ZNF536: variants seen among roughly 807,000 people sequenced by gnomAD.
The protein encoded by ZNF536 is zinc finger protein 536.
ZNF536 carries 13 observed loss-of-function variants against 84.5 expected under a neutral mutation model. The ratio of observed to expected loss-of-function variants is 0.15; its 90% confidence interval spans 0.10 to 0.24. The LOEUF (loss-of-function observed/expected upper bound fraction) is 0.24, where lower values mean the gene tolerates loss of function less well. Ranked by LOEUF, ZNF536 falls within the 10% of genes least tolerant of loss-of-function variation. The pLI is 1.00. For missense variants in ZNF536, 1,536 were observed against 1,747.5 expected (o/e 0.88, Z 2.16); for synonymous variants, 811 against 742.5 (o/e 1.09, Z -1.50).
chr19:30,362,265 G>A (rs1406762860), intron 3 of ZNF536, among the ~76,000 whole-genome samples: 2 of 151,920 alleles, frequency 1.3e-5, no homozygotes, highest in Non-Finnish European at 2.9e-5. Flanking sequence ...GCAGAGGTGT[G>A]CTAGTCCTCC....
intron 1 of ZNF536, among the ~76,000 whole-genome samples, chr19:30,237,461 A>G (rs2144780997): frequency 6.6e-6 from 1 of 152,294 alleles, no homozygotes; most frequent in South Asian, 2.1e-4. Flanking sequence ...AAATCATAAT[A>G]TGATAATTTG....
chr19:30,378,641 ATCTCCCTTGAGG>A (rs956294019), intron 1 of ZNF536, among the ~76,000 whole-genome samples: 173 of 152,258 alleles, frequency 1.1e-3, no homozygotes, highest in African/African-American at 4.0e-3. Context: ...ACCCAACTGC[ATCTCCCTTGAGG>A]TCTCTGCCCT....
At chr19:30,698,052 G>A (rs1290951554) in intron 1 of ZNF536, among the ~76,000 whole-genome samples, 1 of 152,220 alleles carries the variant, frequency 6.6e-6, no homozygotes, top group African/African-American at 2.4e-5. Context: ...AGCACTGTGG[G>A]AGGCCATGGC....
chr19:30,470,983 C>T (rs1273190115), intron 2 of ZNF536, among the ~76,000 whole-genome samples: 10 of 132,644 alleles, frequency 7.5e-5, no homozygotes, highest in South Asian at 2.6e-4. Context: ...CCACTGCGCC[C>T]GGCCTTTTTT....
chr19:30,482,126 T>G (rs537066365), intron 2 of ZNF536, among the ~76,000 whole-genome samples: 3 of 152,152 alleles, frequency 2.0e-5, no homozygotes, highest in Non-Finnish European at 4.4e-5. Context: ...TATAAATGTG[T>G]GTGAATGTGT....
chr19:30,314,375 C>G (rs931338666), intron 2 of ZNF536, among the ~76,000 whole-genome samples: 1 of 152,118 alleles, frequency 6.6e-6, no homozygotes, highest in East Asian at 1.9e-4. Context: ...CTCTGCCCCT[C>G]GTCGAGACAG....
At chr19:30,298,240 C>T (rs543814786) in intron 2 of ZNF536, among the ~76,000 whole-genome samples, 103 of 152,226 alleles carry the variant, frequency 6.8e-4, no homozygotes, top group African/African-American at 2.3e-3. Flanking sequence ...TTTAGAATAG[C>T]GGGCTAATTC....
At chr19:30,353,556 G>A (rs963808490) in intron 3 of ZNF536, among the ~76,000 whole-genome samples, 4 of 152,100 alleles carry the variant, frequency 2.6e-5, no homozygotes, top group African/African-American at 9.7e-5. Context: ...ACTTCTCAGA[G>A]CACTGGGTCT....
intron 1 of ZNF536, among the ~76,000 whole-genome samples, chr19:30,588,377 A>G (rs2047166795): frequency 6.6e-6 from 1 of 152,128 alleles, no homozygotes. Flanking sequence ...AGTGAGGGGG[A>G]CAAGGTCCTA....
At position 30,381,178 on chromosome 19, in the gene ZNF536, G is replaced by T. The variant is rs115295588; in HGVS notation, c.-3+8622G>T. Among the ~76,000 whole-genome samples the T allele has an allele frequency of 3.2e-3, 486 of 152,294 alleles. 8 individuals are homozygous for T. Among genetic ancestry groups the T allele is most frequent in the African/African-American group, 0.011 (475 of 41,550 alleles). ...CAGGTGTGAGCCACCACCATGCCTGGTCTATATATATCTAATAATCAGCAC... is the reference window on the plus strand; with the variant it reads ...CAGGTGTGAGCCACCACCATGCCTGTTCTATATATATCTAATAATCAGCAC... On this transcript the variant is annotated intron_variant, in intron 1 of 4. Coordinates refer to ENST00000355537, the MANE Select transcript of ZNF536 (RefSeq NM_014717.3).
At chr19:30,237,792 A>G (rs1238241851) in intron 1 of ZNF536, among the ~76,000 whole-genome samples, 4 of 151,428 alleles carry the variant, frequency 2.6e-5, no homozygotes, top group Non-Finnish European at 5.9e-5. Context: ...TTTTTGCATA[A>G]TTTAACTTTT....
chr19:30,688,453 G>A (rs1470381777), intron 1 of ZNF536, among the ~76,000 whole-genome samples: 1 of 152,140 alleles, frequency 6.6e-6, no homozygotes, highest in African/African-American at 2.4e-5. Flanking sequence ...ATTTTCATCA[G>A]CAGCATCACT....
chr19:30,469,416 A>T (rs968398312), intron 2 of ZNF536, among the ~76,000 whole-genome samples: 9 of 152,100 alleles, frequency 5.9e-5, no homozygotes, highest in African/African-American at 2.2e-4. Context: ...CATCTCAAAA[A>T]AAAAGAGAGG....
At chr19:30,323,246 G>A (rs903789523) in intron 2 of ZNF536, among the ~76,000 whole-genome samples, 1 of 152,134 alleles carries the variant, frequency 6.6e-6, no homozygotes, top group African/African-American at 2.4e-5. Context: ...AGCTCAGTGT[G>A]GCAGAAACGA....
intron 1 of ZNF536, among the ~76,000 whole-genome samples, chr19:30,278,059 G>C (rs1173285024): frequency 6.6e-6 from 1 of 152,198 alleles, no homozygotes. Flanking sequence ...TTGAAATGTA[G>C]GTTTTATTAT....
chr19:30,679,690 C>T lies in ZNF536; in HGVS notation c.170-31067C>T, dbSNP rs143574598. Among the ~76,000 whole-genome samples the T allele has an allele frequency of 8.4e-3, 1,273 of 152,292 alleles. 8 individuals are homozygous for T. The highest frequency in any genetic ancestry group is 0.017 in the South Asian group (82 of 4,822). ...TCAAAGGCAGGTGCGTGTCGGCTCCCGGCAGTCTGCAGACTTGCTTGGCTG... is the reference window on the plus strand; with the variant it reads ...TCAAAGGCAGGTGCGTGTCGGCTCCTGGCAGTCTGCAGACTTGCTTGGCTG... On this transcript the variant is annotated intron_variant, in intron 1 of 1. Transcript: ENST00000592773.
chr19:30,466,540 G>A (rs2053401904), intron 2 of ZNF536, among the ~76,000 whole-genome samples: 1 of 150,782 alleles, frequency 6.6e-6, no homozygotes, highest in Admixed American at 6.6e-5. Flanking sequence ...TCCAGCTTTG[G>A]TGACAGAGTG....
intron 1 of ZNF536, among the ~76,000 whole-genome samples, chr19:30,262,548 T>C (rs1434417075): frequency 6.6e-6 from 1 of 152,224 alleles, no homozygotes; most frequent in African/African-American, 2.4e-5. Context: ...TGCCACTGCC[T>C]CTGCGTGTGC....
chr19:30,291,675 G>A (rs138876029), intron 2 of ZNF536, among the ~76,000 whole-genome samples: 1 of 152,188 alleles, frequency 6.6e-6, no homozygotes, highest in East Asian at 1.9e-4. Context: ...TTTCCATAGT[G>A]GCTGCACCAT....
Sources: gnomAD v4.1 joint callset for allele counts (sites outside exome capture counted in the v4.1 genomes callset) on GRCh38, gnomAD v4.1.1 for gene constraint, MANE v1.5 for transcripts, NCBI Gene and HGNC (gene_info 2026-07-23, HGNC 2026-07-21) for gene names.